Variants in MYO5A observed in about 807,000 individuals in gnomAD.
The protein encoded by MYO5A is unconventional myosin-Va.
MYO5A carries 98 observed loss-of-function variants against 249.7 expected under a neutral mutation model. The ratio of observed to expected loss-of-function variants is 0.39; its 90% CI spans 0.33 to 0.46. The LOEUF (loss-of-function observed/expected upper bound fraction) is 0.46. Ranked by LOEUF, MYO5A falls within the 20% of genes least tolerant of loss-of-function variation. The pLI, the probability that MYO5A is intolerant of heterozygous loss-of-function variation, is 0.98. For missense variants in MYO5A, 1,696 were observed against 2,308.8 expected, an observed-to-expected ratio of 0.73 and a Z score of 5.44; for synonymous variants, 778 against 810.6, an observed-to-expected ratio of 0.96 and a Z score of 0.68.
chr15:52,321,550 C>T, intron 37 of MYO5A, 41 bp from the exon 38 acceptor site: 1 of 1,603,660 alleles, frequency 6.2e-7, no homozygotes, highest in South Asian at 1.1e-5. Context: ...CATGAAGTAA[C>T]CTGTCTCTTC....
intron 1 of MYO5A, among the ~76,000 whole-genome samples, chr15:52,440,464 C>T (rs1438348695): frequency 6.6e-6 from 1 of 152,150 alleles, no homozygotes; most frequent in Non-Finnish European, 1.5e-5. Flanking sequence ...GACGGGGCTT[C>T]GCCATGTTGG....
At chr15:52,401,112 C>A (rs1408559702) in intron 9 of MYO5A, among the ~76,000 whole-genome samples, 4 of 134,878 alleles carry the variant, frequency 3.0e-5, no homozygotes, top group African/African-American at 1.3e-4. Flanking sequence ...GCTCTATCCT[C>A]CAGGCTGGAG....
intron 1 of MYO5A, among the ~76,000 whole-genome samples, chr15:52,440,165 G>A (rs906828127): frequency 2.0e-5 from 3 of 152,200 alleles, no homozygotes; most frequent in Admixed American, 6.5e-5. Context: ...CCAGAGAGAG[G>A]CACCAAGCAG....
At chr15:52,348,853 A>G in intron 28 of MYO5A, 27 bp from the exon 29 acceptor site, 1 of 1,605,592 alleles carries the variant, frequency 6.2e-7, no homozygotes, top group Non-Finnish European at 8.5e-7. Context: ...AGCAAGCACA[A>G]AAAACAGAGA....
intron 31 of MYO5A, among the ~76,000 whole-genome samples, chr15:52,341,780 TTGAG>T (rs1318426551): frequency 2.0e-5 from 3 of 152,158 alleles, no homozygotes; most frequent in Non-Finnish European, 4.4e-5. Flanking sequence ...GAACAAACAT[TTGAG>T]TGTTTTAAAA....
In MYO5A at chr15:52,410,358, A is replaced by G; in HGVS notation, c.731T>C (p.Leu244Ser). 6.2e-7 allele frequency: 1 copy of G among 1,613,902 alleles called. No individual in the cohort carries two copies. The highest frequency in any genetic ancestry group is 8.5e-7 in the Non-Finnish European group (1 of 1,179,826). ...CTGGAATACCACTCTGGATTTCTCT[A>G]AAAGATAAGTTCTCATATTGGCACC... Reference protein sequence around the residue: ...IIGANMRTYLLEKSRVVFQAE... With the variant: ...IIGANMRTYLSEKSRVVFQAE... Residue 244 changes from leucine (L) to serine (S), a missense_variant, in exon 6 of 42, where the codon TTA (leucine) becomes TCA (serine). Leu to Ser is a moderately radical substitution (Grantham distance 145). Around this residue, in one of 5 missense-constraint regions of MYO5A, gnomAD observed 197 missense variants for 320.3 expected, o/e 0.62. Transcript: ENST00000399233.
At chr15:52,390,737 T>G (rs1225078213) in intron 12 of MYO5A, among the ~76,000 whole-genome samples, 1 of 152,022 alleles carries the variant, frequency 6.6e-6, no homozygotes, top group Non-Finnish European at 1.5e-5. Flanking sequence ...TTTTTTGTAT[T>G]TTTTTGTAGA....
chr15:52,470,897 C>T (rs145528885), intron 1 of MYO5A, among the ~76,000 whole-genome samples: 98 of 150,578 alleles, frequency 6.5e-4, no homozygotes, highest in African/African-American at 2.1e-3. Flanking sequence ...GTGACAGGCG[C>T]CTGTAGTCCC....
chr15:52,389,912 C>A (rs987614389), intron 12 of MYO5A, among the ~76,000 whole-genome samples: 2 of 152,086 alleles, frequency 1.3e-5, no homozygotes, highest in Admixed American at 6.5e-5. Context: ...AGAGGTCACA[C>A]CATTACACTC....
Position 52,379,906 on chromosome 15 carries a change from A to T in MYO5A, c.2015T>A (p.Phe672Tyr). 6.2e-7 allele frequency: 1 copy of T among 1,613,990 alleles called. No homozygotes were observed. The highest frequency in any genetic ancestry group is 2.2e-5 in the East Asian group (1 of 44,868). Residue 672 changes from phenylalanine to tyrosine, a missense_variant and splice_region_variant, in exon 17 of 42, where the codon TTT becomes TAT. Phe to Tyr is a conservative substitution (Grantham distance 22). Transcript: ENST00000399233. ...CTGCTGCACTGCCCTCTTCTCATCAAACCTACAAATAAAAATCAAAGCTGT... is the reference window on the plus strand; with the variant it reads ...CTGCTGCACTGCCCTCTTCTCATCATACCTACAAATAAAAATCAAAGCTGT... Reference protein sequence around the residue: ...KPNDFKFPFTFDEKRAVQQLR... With the variant: ...KPNDFKFPFTYDEKRAVQQLR...
intron 1 of MYO5A, among the ~76,000 whole-genome samples, chr15:52,518,871 T>C (rs1249158993): frequency 6.6e-6 from 1 of 151,626 alleles, no homozygotes; most frequent in African/African-American, 2.4e-5. Context: ...GATCAGGGAG[T>C]GGTAATAAAG....
rs570439791 is a variant in MYO5A at position 52,509,209 on chromosome 15, C to T, written c.27+19571G>A. Among the ~76,000 whole-genome samples the T allele has an allele frequency of 9.9e-5, 15 of 152,258 alleles. No homozygotes were observed. The South Asian group carries it at 2.7e-3, about 27-fold the overall frequency. On this transcript the variant is annotated intron_variant, in intron 1 of 41. Coordinates refer to ENST00000399233, the MANE Select transcript of MYO5A (RefSeq NM_001382347.1). ...CTTGGATTGAACTCCTGGGCTCAAG[C>T]AATCCACTTGCTTCAGCCTCCCAAA...
intron 19 of MYO5A, 106 bp from the exon 20 acceptor site, chr15:52,375,566 T>G (rs565263356): frequency 4.8e-4 from 538 of 1,121,090 alleles, no homozygotes; most frequent in Middle Eastern, 1.1e-3. Flanking sequence ...AAATAGTACC[T>G]CCATTGTATT....
Position 52,309,843 on chromosome 15 carries a change from T to G in MYO5A, c.*3853A>C, listed in dbSNP as rs1182227337. 1 of 145,344 alleles carries G rather than the reference T, an allele frequency of 6.9e-6. No individual in the cohort carries two copies. The highest frequency in any genetic ancestry group is 2.4e-4 in the East Asian group (1 of 4,158). The allele number at this position is 145,344 out of a possible 1,614,324, so 9.0% of individuals were successfully genotyped here. A position where few individuals can be genotyped will look rare whatever the true frequency, so the allele number is the denominator to read the frequency against. ...ACTCTATGAATTAGTGACGGGGGTG[T>G]GTGTGTGTGTATGTGTGTGTGTGTG... On this transcript the variant is annotated 3_prime_UTR_variant, in exon 42 of 42. Coordinates refer to ENST00000399233, the MANE Select transcript of MYO5A (RefSeq NM_001382347.1).
At position 52,309,316 on chromosome 15, in the gene MYO5A, A is replaced by G. The variant is rs1052647229; in HGVS notation, c.*4380T>C. On this transcript the variant is annotated 3_prime_UTR_variant, in exon 42 of 42. Coordinates refer to ENST00000399233, the MANE Select transcript of MYO5A (RefSeq NM_001382347.1). Reference sequence around the variant, plus strand: ...GAGTTATAGCAAGTAACTATGACAAAAAAGAAAACCACCTGGCGCTGAGCA... The same window carrying G: ...GAGTTATAGCAAGTAACTATGACAAGAAAGAAAACCACCTGGCGCTGAGCA... The G allele has an allele frequency of 7.9e-5, 12 of 152,226 alleles. No homozygotes were observed. The highest frequency in any genetic ancestry group is 2.9e-4 in the African/African-American group (12 of 41,454). The allele number at this position is 152,226 out of a possible 1,614,324, so 9.4% of individuals were successfully genotyped here. A position where few individuals can be genotyped will look rare whatever the true frequency, so the allele number is the denominator to read the frequency against.
intron 1 of MYO5A, among the ~76,000 whole-genome samples, chr15:52,520,940 T>C (rs1212116592): frequency 6.6e-6 from 1 of 152,140 alleles, no homozygotes; most frequent in African/African-American, 2.4e-5. Flanking sequence ...TCAAAGAGTC[T>C]ACTATAGGGC....
intron 22 of MYO5A, among the ~76,000 whole-genome samples, chr15:52,367,854 G>A (rs2040887741): frequency 7.1e-6 from 1 of 141,808 alleles, no homozygotes; most frequent in Non-Finnish European, 1.5e-5. Context: ...TAAATTTTAT[G>A]TCATGTATAT....
chr15:52,317,690 G>A lies in MYO5A; in HGVS notation c.5235-468C>T, dbSNP rs144406340. Among the ~76,000 whole-genome samples the A allele has an allele frequency of 4.4e-3, 668 of 152,298 alleles. 5 individuals are homozygous for A. The highest frequency in any genetic ancestry group is 7.0e-3 in the Non-Finnish European group (474 of 68,014). On this transcript the variant is annotated intron_variant, in intron 39 of 41. Coordinates refer to ENST00000399233, the MANE Select transcript of MYO5A (RefSeq NM_001382347.1). ...ATAACCAAAAGCCCCACATATACCT[G>A]TGCTGAAGCCTTAAGGGAAGAGCCT...
intron 1 of MYO5A, among the ~76,000 whole-genome samples, chr15:52,481,384 G>A (rs147024339): frequency 1.3e-5 from 2 of 152,296 alleles, no homozygotes; most frequent in East Asian, 3.9e-4. Context: ...TTTAGTATGT[G>A]TATATTCTAT....
Sources: allele counts gnomAD v4.1 joint callset (sites outside exome capture counted in the v4.1 genomes callset), GRCh38; gene constraint gnomAD v4.1.1; regional missense constraint gnomAD v4.1.1; transcripts MANE v1.5; gene names NCBI Gene and HGNC (gene_info 2026-07-23, HGNC 2026-07-21).